Variants in FAAH2 observed in about 807,000 individuals in gnomAD.
The protein encoded by FAAH2 is fatty-acid amide hydrolase 2.
Under a neutral mutation model 36.9 loss-of-function variants are expected in FAAH2, and 60 were observed. That is an observed-to-expected ratio of 1.63 (90% CI 1.32 to 2.02). The LOEUF is 2.02. Among genes scored for constraint, FAAH2 ranks in the 30% most tolerant of loss-of-function variants. The pLI, the probability that FAAH2 is intolerant of heterozygous loss-of-function variation, is 0.00. For missense variants in FAAH2, 689 were observed against 397.5 expected, an observed-to-expected ratio of 1.73 and a Z score of -6.23; for synonymous variants, 214 against 143.8, an observed-to-expected ratio of 1.49 and a Z score of -3.49.
intron 5 of FAAH2, among the ~76,000 whole-genome samples, chrX:57,365,788 A>G (rs185467472): frequency 8.9e-6 from 1 of 111,990 alleles, no homozygotes; most frequent in African/African-American, 3.2e-5. Context: ...CCTATGTTGA[A>G]TCAAAGGAGA....
the FAAH2 span, among the ~76,000 whole-genome samples, chrX:57,221,788 A>G: frequency 9.1e-6 from 1 of 109,963 alleles, no homozygotes; most frequent in African/African-American, 3.3e-5. Flanking sequence ...TTTATGTGGA[A>G]TACCCCCGAC....
At chrX:57,350,679 A>T (rs1028969051) in intron 5 of FAAH2, among the ~76,000 whole-genome samples, 3 of 111,300 alleles carry the variant, frequency 2.7e-5, no homozygotes, top group Non-Finnish European at 5.7e-5. Flanking sequence ...CTTCCAAATG[A>T]ACATCAAAAT....
At chrX:57,265,665 G>A in the FAAH2 span, among the ~76,000 whole-genome samples, 2 of 112,140 alleles carry the variant, frequency 1.8e-5, no homozygotes, top group African/African-American at 6.5e-5. Flanking sequence ...CTCTGCCAGT[G>A]TTCTCTGGCC....
the FAAH2 span, among the ~76,000 whole-genome samples, chrX:57,152,750 C>G: frequency 3.6e-5 from 4 of 111,680 alleles, no homozygotes; most frequent in African/African-American, 1.3e-4. Context: ...TGCTTTAGCT[C>G]GTGCCCGGTG....
At chrX:57,454,517 G>A (rs2056835838) in intron 10 of FAAH2, among the ~76,000 whole-genome samples, 1 of 112,167 alleles carries the variant, frequency 8.9e-6, no homozygotes. Flanking sequence ...AGGAAGCTCA[G>A]TGAGAATGAG....
At chrX:57,488,490 C>T (rs764449878) in intron 10 of FAAH2, among the ~76,000 whole-genome samples, 2 of 111,244 alleles carry the variant, frequency 1.8e-5, no homozygotes, top group Admixed American at 9.6e-5. Flanking sequence ...CTTTTGCTAG[C>T]CAAGTGATCT....
intron 5 of FAAH2, among the ~76,000 whole-genome samples, chrX:57,353,395 T>G (rs1358259503): frequency 9.5e-6 from 1 of 105,125 alleles, no homozygotes; most frequent in East Asian, 3.0e-4. Context: ...GATAGTCATA[T>G]ATAAAAGAAT....
the FAAH2 span, among the ~76,000 whole-genome samples, chrX:57,240,421 G>A: frequency 3.6e-5 from 4 of 111,755 alleles, no homozygotes; most frequent in African/African-American, 6.5e-5. Flanking sequence ...GGTGCTCCCT[G>A]TCTGGTGGCA....
chrX:57,285,757 G>A (rs1484741139), upstream of FAAH2, among the ~76,000 whole-genome samples: 2 of 112,150 alleles, frequency 1.8e-5, no homozygotes, highest in Non-Finnish European at 1.9e-5. Flanking sequence ...CATGAGAGTC[G>A]AATGCTGGAC....
chrX:57,157,218 G>A, the FAAH2 span, among the ~76,000 whole-genome samples: 1 of 111,616 alleles, frequency 9.0e-6, no homozygotes, highest in East Asian at 2.8e-4. Context: ...GGATCACACA[G>A]GTCCTCCACA....
chrX:57,198,071 G>T, the FAAH2 span, among the ~76,000 whole-genome samples: 1 of 111,595 alleles, frequency 9.0e-6, no homozygotes, highest in Non-Finnish European at 1.9e-5. Flanking sequence ...ATACATGCTT[G>T]CCCTAAGGTG....
At chrX:57,358,810 G>C (rs997474153) in intron 5 of FAAH2, among the ~76,000 whole-genome samples, 1 of 111,280 alleles carries the variant, frequency 9.0e-6, no homozygotes, top group Non-Finnish European at 1.9e-5. Context: ...GTTTTTAATG[G>C]AGGCTGAACC....
chrX:57,223,728 G>T, the FAAH2 span, among the ~76,000 whole-genome samples: 1 of 111,861 alleles, frequency 8.9e-6, no homozygotes, highest in Non-Finnish European at 1.9e-5. Context: ...GTAGATAAAA[G>T]CATTCCCAAC....
the FAAH2 span, among the ~76,000 whole-genome samples, chrX:57,242,587 A>C: frequency 9.0e-6 from 1 of 111,503 alleles, no homozygotes; most frequent in Admixed American, 9.4e-5. Flanking sequence ...CTGGTTAGAC[A>C]GTGGATGCAG....
chrX:57,143,475 GTAT>G, the FAAH2 span, among the ~76,000 whole-genome samples: 35 of 109,175 alleles, frequency 3.2e-4, no homozygotes, highest in East Asian at 1.1e-3. Context: ...AAAATTGCTC[GTAT>G]TATTATTATT....
chrX:57,434,083 ATTTTTTTT>A (rs771256980), intron 8 of FAAH2, among the ~76,000 whole-genome samples: 2 of 94,120 alleles, frequency 2.1e-5, no homozygotes, highest in Non-Finnish European at 4.3e-5. Flanking sequence ...AATTAAATTG[ATTTTTTTT>A]TTTTTTTTTT....
chrX:57,276,567 T>G, the FAAH2 span, among the ~76,000 whole-genome samples: 1 of 110,570 alleles, frequency 9.0e-6, no homozygotes, highest in Non-Finnish European at 1.9e-5. Flanking sequence ...AAGAAATAAC[T>G]AAGATCAGAG....
chrX:57,460,278 C>T (rs1012056468), intron 10 of FAAH2, among the ~76,000 whole-genome samples: 3 of 111,317 alleles, frequency 2.7e-5, no homozygotes, highest in Admixed American at 9.5e-5. Context: ...GCAAGACACA[C>T]GAACATTCAA....
At chrX:57,357,514 A>T (rs1332396103) in intron 5 of FAAH2, among the ~76,000 whole-genome samples, 2 of 111,956 alleles carry the variant, frequency 1.8e-5, no homozygotes, top group Non-Finnish European at 3.8e-5. Context: ...CCTCATCAAA[A>T]AGTGGGCAAA....
Sources: gnomAD v4.1 joint callset for allele counts (sites outside exome capture counted in the v4.1 genomes callset) on GRCh38, gnomAD v4.1.1 for gene constraint, MANE v1.5 for transcripts, NCBI Gene and HGNC (gene_info 2026-07-23, HGNC 2026-07-21) for gene names.